The following MGAM variants were observed in gnomAD, a reference collection of about 807,000 sequenced individuals.
MGAM encodes alpha-1,4-glucosidase.
In MGAM, 253 loss-of-function variants were observed where a neutral mutation model predicts 358.8. That is an observed-to-expected ratio of 0.71 (90% CI 0.64 to 0.78). The LOEUF (loss-of-function observed/expected upper bound fraction) is 0.78. Among genes scored for constraint, MGAM ranks in the 30% least tolerant of loss-of-function variants. The pLI is 0.00. For synonymous variants in MGAM, 1,105 were observed against 1,227.1 expected (o/e 0.90, Z 2.08); for missense variants, 3,080 against 3,432.6 (o/e 0.90, Z 2.57).
At chr7:142,055,774 C>G in intron 28 of MGAM, 48 bp downstream of exon 28, 2 of 1,609,200 alleles carry the variant, frequency 1.2e-6, no homozygotes, top group Non-Finnish European at 1.7e-6. Flanking sequence ...TCTCCACCCA[C>G]ACTGCTCAGG....
chr7:142,056,932 A>G lies in MGAM; in HGVS notation c.3683A>G (p.Gln1228Arg), dbSNP rs374194991. The G allele has an allele frequency of 3.9e-5, 63 of 1,613,684 alleles. No individual in the cohort carries two copies. The highest frequency in any genetic ancestry group is 1.3e-5 in the African/African-American group (1 of 74,926). The change falls in exon 30 of 71, where the codon CAG becomes CGG. Residue 1228 changes from glutamine (Q) to arginine (R), a missense_variant. Gln to Arg is a conservative substitution (Grantham distance 43, BLOSUM62 1). Transcript: ENST00000475668. ...LGPTPELVTQ[Q>R]YTELIGRPVM... ...CCGACTCCAGAGCTTGTCACCCAGC[A>G]GTACACTGAGGTAGGGGGAAATCCA...
At chr7:142,046,227 T>C (rs1810399739) in intron 21 of MGAM, among the ~76,000 whole-genome samples, 1 of 150,826 alleles carries the variant, frequency 6.6e-6, no homozygotes, top group Non-Finnish European at 1.5e-5. Flanking sequence ...ACTGTTAGTA[T>C]TTCAAGAACA....
intron 3 of MGAM, among the ~76,000 whole-genome samples, chr7:142,014,513 T>C (rs1325984214): frequency 1.3e-5 from 2 of 152,136 alleles, no homozygotes; most frequent in Admixed American, 6.6e-5. Flanking sequence ...ATTTAAGATA[T>C]ACAAAAATAT....
intron 22 of MGAM, among the ~76,000 whole-genome samples, chr7:142,048,771 C>T (rs574500190): frequency 6.6e-6 from 1 of 152,110 alleles, no homozygotes; most frequent in South Asian, 2.1e-4. Flanking sequence ...GACTCTTGTC[C>T]ATCTAATCCA....
rs377184034 is a variant in MGAM at position 142,105,902 on chromosome 7, C to G, written c.*11C>G. 40 of 1,581,682 alleles carry G rather than the reference C, an allele frequency of 2.5e-5. No homozygotes were observed. Among genetic ancestry groups the G allele is most frequent in the Non-Finnish European group, 3.1e-5 (36 of 1,150,956 alleles). ...ATAAGCACTCTGTGAATTTTTACAG[C>G]AAGATTCTAACTAACTATGAATGAC... is the stretch of plus-strand genomic sequence containing the variant. On this transcript the variant is annotated 3_prime_UTR_variant, in exon 71 of 71. Coordinates refer to ENST00000475668, the MANE Select transcript of MGAM (RefSeq NM_001365693.1).
Position 142,070,882 on chromosome 7 carries a change from G to GCAT in MGAM, c.5062-112_5062-111insCAT. 8.1e-6 allele frequency: 11 copies of GCAT among 1,365,930 alleles called. 2 individuals carry two copies. In the South Asian group the frequency reaches 1.1e-4, roughly 14 times the overall value. 84.6% of individuals were successfully genotyped at this position (1,365,930 alleles called of 1,614,324 possible). ...GGGTAATAGCAGGTATGTTGCAAAG[G>GCAT]GTGATGAACAGGCATAAGTTCAGAG... On this transcript the variant is annotated intron_variant, in intron 43 of 70. Transcript: ENST00000475668.
intron 66 of MGAM, among the ~76,000 whole-genome samples, chr7:142,097,875 GT>G (rs1227113635): frequency 4.6e-5 from 7 of 152,042 alleles, no homozygotes; most frequent in Non-Finnish European, 2.9e-5. Context: ...TCTCACTCAG[GT>G]TTTTCGTGGG....
chr7:142,048,331 G>A (rs1476186013), intron 22 of MGAM, among the ~76,000 whole-genome samples: 5 of 151,360 alleles, frequency 3.3e-5, no homozygotes, highest in Non-Finnish European at 2.9e-5. Context: ...TGTATGTTTA[G>A]TAGAGATGAG....
chr7:142,070,540 G>C (rs1366248547), intron 43 of MGAM, among the ~76,000 whole-genome samples: 1 of 146,238 alleles, frequency 6.8e-6, no homozygotes, highest in Non-Finnish European at 1.5e-5. Context: ...TGTCACAACA[G>C]GCTGGGGGTG....
At position 142,091,612 on chromosome 7, in the gene MGAM, T is replaced by C. The variant is rs1221799335; in HGVS notation, c.6811-301T>C. ...TGCATAGGAAATGGCAGGACTGACA[T>C]TGAGGGTTGGGCATCGAATGCATGA... On this transcript the variant is annotated intron_variant, in intron 57 of 70. Coordinates refer to ENST00000475668, the MANE Select transcript of MGAM (RefSeq NM_001365693.1). Among the ~76,000 whole-genome samples, 2 of 145,974 alleles carry C rather than the reference T, an allele frequency of 1.4e-5. 1 individual carries two copies. Among genetic ancestry groups the C allele is most frequent in the Non-Finnish European group, 3.1e-5 (2 of 64,530 alleles).
intron 1 of MGAM, among the ~76,000 whole-genome samples, chr7:142,000,436 A>G (rs1421262408): frequency 1.3e-5 from 2 of 152,150 alleles, no homozygotes; most frequent in African/African-American, 4.8e-5. Flanking sequence ...GGAAGCTGTA[A>G]TGCCTAGTCT....
At chr7:142,095,891 A>T (rs1815860944) in intron 64 of MGAM, 178 bp downstream of exon 64, 2 of 1,003,090 alleles carry the variant, frequency 2.0e-6, no homozygotes, top group Non-Finnish European at 2.9e-6. Flanking sequence ...GTCATTAATA[A>T]AAGGTTATTG....
upstream of MGAM, among the ~76,000 whole-genome samples, chr7:141,994,889 C>A (rs2128972358): frequency 6.6e-6 from 1 of 152,308 alleles, no homozygotes; most frequent in South Asian, 2.1e-4. Flanking sequence ...AACGAAACCT[C>A]TTTTCTTTAT....
intron 2 of MGAM, among the ~76,000 whole-genome samples, chr7:142,006,158 T>C (rs782716340): frequency 1.3e-5 from 2 of 152,126 alleles, no homozygotes; most frequent in Non-Finnish European, 2.9e-5. Context: ...CCTGGGAATT[T>C]AACCTTTGTA....
rs568854761 is a variant in MGAM at position 142,051,602 on chromosome 7, G to C, written c.2806-692G>C. Reference sequence around the variant, plus strand: ...TTCAGAATTGGAGTCTTTGGGCTTAGAGAAATGAACATGCTGGGATGTTAG... The same window carrying C: ...TTCAGAATTGGAGTCTTTGGGCTTACAGAAATGAACATGCTGGGATGTTAG... On this transcript the variant is annotated intron_variant, in intron 24 of 70. Transcript: ENST00000475668. Among the ~76,000 whole-genome samples, 8 of 152,262 alleles carry C rather than the reference G, an allele frequency of 5.3e-5. No homozygotes were observed. In the South Asian group the frequency reaches 1.5e-3, roughly 28 times the overall value.
chr7:142,100,173 C>T lies in MGAM; in HGVS notation c.7874+436C>T, dbSNP rs1352271550. 3.9e-5 allele frequency among the ~76,000 whole-genome samples: 6 copies of T among 152,196 alleles called. No individual in the cohort carries two copies. The East Asian group carries it at 1.2e-3, about 29-fold the overall frequency. On this transcript the variant is annotated intron_variant, in intron 67 of 70. Transcript: ENST00000475668. Reference sequence around the variant, plus strand: ...AGCTAACATCCAGTGAGTGCTTGCCCTGTGCCTAGAACTATATGAATATGG... The same window carrying T: ...AGCTAACATCCAGTGAGTGCTTGCCTTGTGCCTAGAACTATATGAATATGG...
At chr7:142,041,851 T>A (rs10241636) in intron 21 of MGAM, among the ~76,000 whole-genome samples, 7,563 of 119,198 alleles carry the variant, frequency 0.063, 948 homozygotes, top group African/African-American at 0.23. Flanking sequence ...CTTTCAAGTT[T>A]CTGGTCATTT....
intron 17 of MGAM, among the ~76,000 whole-genome samples, chr7:142,036,536 C>A (rs144924858): frequency 1.3e-5 from 2 of 152,232 alleles, no homozygotes; most frequent in Non-Finnish European, 2.9e-5. Flanking sequence ...AACTTCTGTA[C>A]GCTTTATCTA....
intron 47 of MGAM, among the ~76,000 whole-genome samples, chr7:142,077,453 T>G (rs181747018): frequency 6.9e-6 from 1 of 145,394 alleles, no homozygotes; most frequent in African/African-American, 2.4e-5. Context: ...ACTCCAGACG[T>G]GTGAGAACTT....
Sources: gnomAD v4.1 joint callset for allele counts (sites outside exome capture counted in the v4.1 genomes callset) on GRCh38, gnomAD v4.1.1 for gene constraint, MANE v1.5 for transcripts, NCBI Gene and HGNC (gene_info 2026-07-23, HGNC 2026-07-21) for gene names.